The following PDZD2 variants were observed in gnomAD, a reference collection of about 807,000 sequenced individuals.
The protein encoded by PDZD2 is PDZ domain containing 2, also known as PDZ domain-containing protein 2.
In PDZD2, 90 loss-of-function variants were observed where a neutral mutation model predicts 220.7. The ratio of observed to expected loss-of-function variants is 0.41; its 90% CI spans 0.34 to 0.49. The LOEUF (loss-of-function observed/expected upper bound fraction) is 0.49. PDZD2 is among the 20% of genes least tolerant of loss of function. The pLI is 0.28. For missense variants in PDZD2, 3,174 were observed against 3,608.5 expected (o/e 0.88, Z 3.08); for synonymous variants, 1,375 against 1,450.5 (o/e 0.95, Z 1.18).
chr5:31,936,799 A>G (rs1296621843), intron 2 of PDZD2, among the ~76,000 whole-genome samples: 1 of 152,240 alleles, frequency 6.6e-6, no homozygotes, highest in Non-Finnish European at 1.5e-5. Context: ...AGGTGGATGT[A>G]TAACAGCTGT....
At chr5:31,839,457 G>T (rs1757140334) in intron 2 of PDZD2, among the ~76,000 whole-genome samples, 1 of 152,138 alleles carries the variant, frequency 6.6e-6, no homozygotes, top group African/African-American at 2.4e-5. Context: ...GCAAATATTT[G>T]GTTCATGAGC....
chr5:32,096,065 T>C (rs1743661766), intron 21 of PDZD2, among the ~76,000 whole-genome samples: 1 of 151,964 alleles, frequency 6.6e-6, no homozygotes, highest in Non-Finnish European at 1.5e-5. Flanking sequence ...TTTTCAAATA[T>C]TGTCTCTTTG....
chr5:32,059,745 C>CCAAA (rs1175445390), intron 13 of PDZD2, among the ~76,000 whole-genome samples: 6 of 152,146 alleles, frequency 3.9e-5, no homozygotes, highest in African/African-American at 1.4e-4. Context: ...TCACTTGATG[C>CCAAA]CAAACAGTCC....
chr5:32,105,574 A>C (rs775282728), intron 24 of PDZD2, among the ~76,000 whole-genome samples: 4 of 152,238 alleles, frequency 2.6e-5, no homozygotes, highest in Non-Finnish European at 5.9e-5. Context: ...GAAAAAATAA[A>C]TTACACCTCT....
chr5:31,874,515 C>CT (rs1179442481), intron 2 of PDZD2, among the ~76,000 whole-genome samples: 1 of 152,034 alleles, frequency 6.6e-6, no homozygotes, highest in Non-Finnish European at 1.5e-5. Flanking sequence ...AATCCCAGCA[C>CT]TTTGGGAGGC....
In PDZD2 at chr5:31,799,347, G is replaced by T. The variant is rs200296366; in HGVS notation, c.99G>T (p.Arg33=). The change falls in exon 2 of 25, where the codon CGG becomes CGT. Residue 33 remains arginine, a synonymous_variant. Transcript: ENST00000438447. ...AAGGTGGGGATGGGCCGGAGCAGCGGCTCTGCCAGGCGGCCATCCAGAAGC... is the reference window on the plus strand; with the variant it reads ...AAGGTGGGGATGGGCCGGAGCAGCGTCTCTGCCAGGCGGCCATCCAGAAGC... ...LQEGGDGPEQ[R]LCQAAIQKLQ... 1.4e-5 allele frequency: 22 copies of T among 1,614,098 alleles called. No homozygotes were observed. Among genetic ancestry groups the T allele is most frequent in the Admixed American group, 3.3e-5 (2 of 60,010 alleles).
At chr5:31,858,627 T>C (rs944202563) in intron 2 of PDZD2, among the ~76,000 whole-genome samples, 10 of 152,232 alleles carry the variant, frequency 6.6e-5, no homozygotes, top group African/African-American at 2.4e-4. Flanking sequence ...CTTGATAACA[T>C]CACTATTGTA....
At chr5:32,009,385 A>G (rs1753105635) in intron 5 of PDZD2, among the ~76,000 whole-genome samples, 1 of 151,840 alleles carries the variant, frequency 6.6e-6, no homozygotes, top group African/African-American at 2.4e-5. Flanking sequence ...TAAAAAAAAG[A>G]TGCTGACCTC....
chr5:31,749,086 T>G (rs1750772319), intron 1 of PDZD2, among the ~76,000 whole-genome samples: 1 of 150,898 alleles, frequency 6.6e-6, no homozygotes, highest in Non-Finnish European at 1.5e-5. Context: ...CTCTATTTCA[T>G]GGGGGGGGGC....
intron 1 of PDZD2, among the ~76,000 whole-genome samples, chr5:31,648,458 G>A (rs1296561347): frequency 2.0e-5 from 3 of 151,880 alleles, no homozygotes; most frequent in African/African-American, 7.3e-5. Context: ...CTCTTTTCCC[G>A]ACACTCTGTA....
intron 10 of PDZD2, among the ~76,000 whole-genome samples, chr5:32,054,767 A>G (rs1274808479): frequency 6.6e-6 from 1 of 152,254 alleles, no homozygotes; most frequent in African/African-American, 2.4e-5. Flanking sequence ...ATGTTTAAAT[A>G]TATCATTTTA....
At chr5:31,832,611 T>A (rs1756677876) in intron 2 of PDZD2, 1 of 152,098 alleles carries the variant, frequency 6.6e-6, no homozygotes, top group South Asian at 2.1e-4. Flanking sequence ...AGGTGAGGAA[T>A]TTGAGACCAG....
chr5:31,753,395 G>A (rs1314451476), intron 1 of PDZD2, among the ~76,000 whole-genome samples: 1 of 152,296 alleles, frequency 6.6e-6, no homozygotes, highest in East Asian at 1.9e-4. Context: ...TTTAGGTCAC[G>A]AGTTCAAGAC....
At chr5:32,001,959 C>G (rs564038328) in intron 5 of PDZD2, among the ~76,000 whole-genome samples, 1 of 152,310 alleles carries the variant, frequency 6.6e-6, no homozygotes, top group African/African-American at 2.4e-5. Flanking sequence ...AGGCCACACC[C>G]TCTTAGCCCT....
At chr5:31,771,062 T>C (rs1422410854) in intron 1 of PDZD2, among the ~76,000 whole-genome samples, 1 of 152,216 alleles carries the variant, frequency 6.6e-6, no homozygotes, top group Non-Finnish European at 1.5e-5. Flanking sequence ...CCTTTGGATG[T>C]GCAAATAAGC....
intron 2 of PDZD2, among the ~76,000 whole-genome samples, chr5:31,886,728 TG>T (rs1740526005): frequency 6.6e-6 from 1 of 150,982 alleles, no homozygotes; most frequent in Admixed American, 6.6e-5. Context: ...GACGGAGTCT[TG>T]CTCTGTCGCT....
At chr5:31,803,902 G>A (rs1021234838) in intron 2 of PDZD2, among the ~76,000 whole-genome samples, 1 of 151,972 alleles carries the variant, frequency 6.6e-6, no homozygotes, top group African/African-American at 2.4e-5. Context: ...AGCTGGGCAT[G>A]GTGGTGCACA....
intron 2 of PDZD2, among the ~76,000 whole-genome samples, chr5:31,929,963 T>C (rs1745110983): frequency 6.6e-6 from 1 of 152,102 alleles, no homozygotes; most frequent in Non-Finnish European, 1.5e-5. Context: ...GAGTTCTTGC[T>C]TAGTTAATGC....
intron 1 of PDZD2, among the ~76,000 whole-genome samples, chr5:31,739,309 T>A (rs1447273120): frequency 6.6e-6 from 1 of 152,148 alleles, no homozygotes; most frequent in Non-Finnish European, 1.5e-5. Flanking sequence ...AAATACATCC[T>A]GCAGAACTAA....
Sources: gnomAD v4.1 joint callset for allele counts (sites outside exome capture counted in the v4.1 genomes callset) on GRCh38, gnomAD v4.1.1 for gene constraint, MANE v1.5 for transcripts, NCBI Gene and HGNC (gene_info 2026-07-23, HGNC 2026-07-21) for gene names.